Variants in CLSTN2 observed in about 807,000 individuals in gnomAD.
CLSTN2 encodes calsyntenin 2.
A neutral mutation model predicts 101.2 loss-of-function variants in CLSTN2; 48 were observed. The observed-to-expected ratio is 0.47, with a 90% CI of 0.38 to 0.60. CLSTN2 has a LOEUF of 0.60. Among genes scored for constraint, CLSTN2 ranks in the 20% least tolerant of loss-of-function variants. The pLI is 0.00. For synonymous variants in CLSTN2, 481 were observed against 463.6 expected (o/e 1.04, Z -0.48); for missense variants, 1,160 against 1,238.2 (o/e 0.94, Z 0.95).
intron 1 of CLSTN2, among the ~76,000 whole-genome samples, chr3:140,100,501 A>C (rs1320778198): frequency 1.3e-5 from 2 of 152,252 alleles, no homozygotes; most frequent in Non-Finnish European, 2.9e-5. Context: ...AAAAGATACA[A>C]GGGAAGGACT....
At chr3:140,117,655 A>G (rs1256927438) in intron 1 of CLSTN2, among the ~76,000 whole-genome samples, 2 of 152,328 alleles carry the variant, frequency 1.3e-5, no homozygotes, top group South Asian at 2.1e-4. Flanking sequence ...GGAAATTGCA[A>G]TAACCACATA....
At chr3:140,222,717 T>A (rs2107853849) in intron 2 of CLSTN2, among the ~76,000 whole-genome samples, 1 of 152,236 alleles carries the variant, frequency 6.6e-6, no homozygotes, top group Non-Finnish European at 1.5e-5. Flanking sequence ...CATCTTAAAG[T>A]AACTAAAATT....
intron 1 of CLSTN2, among the ~76,000 whole-genome samples, chr3:140,062,108 T>C (rs1450100633): frequency 6.6e-6 from 1 of 152,140 alleles, no homozygotes; most frequent in Non-Finnish European, 1.5e-5. Context: ...ATGAGTGAAA[T>C]GCATCAGGTA....
rs539403177 is a variant in CLSTN2 at position 140,433,011 on chromosome 3, G to A, written c.787+11737G>A. Reference sequence around the variant, plus strand: ...CTGAGGTTAATACACTTGCCACACAGCTAGTAATATTGAGGCCAGCTCCAT... The same window carrying A: ...CTGAGGTTAATACACTTGCCACACAACTAGTAATATTGAGGCCAGCTCCAT... On this transcript the variant is annotated intron_variant, in intron 5 of 16. Transcript: ENST00000458420. Among the ~76,000 whole-genome samples, 34 of 152,276 alleles carry A rather than the reference G, an allele frequency of 2.2e-4. 1 individual carries two copies. The highest frequency in any genetic ancestry group is 5.9e-4 in the Admixed American group (9 of 15,302).
intron 1 of CLSTN2, among the ~76,000 whole-genome samples, chr3:140,126,824 C>T (rs1216515997): frequency 2.0e-5 from 3 of 152,112 alleles, no homozygotes; most frequent in Non-Finnish European, 4.4e-5. Context: ...GCTGCAGACA[C>T]AGGGATGGTC....
intron 1 of CLSTN2, among the ~76,000 whole-genome samples, chr3:140,000,405 G>T (rs1400205289): frequency 1.3e-5 from 2 of 152,142 alleles, no homozygotes; most frequent in African/African-American, 4.8e-5. Context: ...CACATAGTTT[G>T]TGCCCATTAA....
intron 1 of CLSTN2, among the ~76,000 whole-genome samples, chr3:139,989,940 A>G (rs1261629826): frequency 6.6e-6 from 1 of 152,216 alleles, no homozygotes; most frequent in African/African-American, 2.4e-5. Flanking sequence ...AAACAATTTG[A>G]TCCTCCCATT....
chr3:140,147,046 G>A (rs1481553240), intron 1 of CLSTN2, among the ~76,000 whole-genome samples: 1 of 152,230 alleles, frequency 6.6e-6, no homozygotes, highest in African/African-American at 2.4e-5. Flanking sequence ...ATGAGTGAAT[G>A]AATAAATGGA....
chr3:140,171,004 A>T (rs1157919187), intron 1 of CLSTN2, among the ~76,000 whole-genome samples: 3 of 152,210 alleles, frequency 2.0e-5, no homozygotes, highest in Non-Finnish European at 4.4e-5. Flanking sequence ...ATGAATCTGA[A>T]GCACTGGGTG....
intron 2 of CLSTN2, among the ~76,000 whole-genome samples, chr3:140,284,251 A>T (rs1022605016): frequency 3.5e-4 from 53 of 151,662 alleles, no homozygotes; most frequent in African/African-American, 1.2e-3. Context: ...TATTTTTTTT[A>T]AAAAATACAA....
At chr3:140,410,411 CAA>C (rs11450317) in intron 4 of CLSTN2, among the ~76,000 whole-genome samples, 9 of 118,706 alleles carry the variant, frequency 7.6e-5, no homozygotes, top group African/African-American at 1.7e-4. Context: ...AAATAAAAAG[CAA>C]AAAAAAAAAA....
At chr3:140,322,465 G>A (rs1301861315) in intron 2 of CLSTN2, among the ~76,000 whole-genome samples, 1 of 152,222 alleles carries the variant, frequency 6.6e-6, no homozygotes, top group East Asian at 1.9e-4. Context: ...AGCAAGAGGT[G>A]CTGAGTAGGA....
intron 2 of CLSTN2, among the ~76,000 whole-genome samples, chr3:140,192,775 G>T (rs1451046847): frequency 6.6e-6 from 1 of 151,494 alleles, no homozygotes; most frequent in African/African-American, 2.4e-5. Flanking sequence ...TTTCATTGTT[G>T]TATTTAGATC....
chr3:139,999,552 G>A (rs948321848), intron 1 of CLSTN2, among the ~76,000 whole-genome samples: 1 of 151,988 alleles, frequency 6.6e-6, no homozygotes, highest in Non-Finnish European at 1.5e-5. Context: ...TTATCTGCTT[G>A]GTCAGAGAGG....
At chr3:140,043,169 A>C (rs528718159) in intron 1 of CLSTN2, among the ~76,000 whole-genome samples, 16 of 152,222 alleles carry the variant, frequency 1.1e-4, no homozygotes, top group African/African-American at 3.4e-4. Context: ...GTTTCTCCAC[A>C]TCCTCTCCAG....
chr3:139,990,316 G>A (rs1333037449), intron 1 of CLSTN2, among the ~76,000 whole-genome samples: 2 of 152,146 alleles, frequency 1.3e-5, no homozygotes, highest in East Asian at 3.8e-4. Flanking sequence ...GGATGGTGGC[G>A]TAGGTGGGAG....
At position 140,569,473 on chromosome 3, in the gene CLSTN2, A is replaced by C. The variant is rs1326128866; in HGVS notation, c.*3220A>C. The C allele has an allele frequency of 6.6e-6, 1 of 152,238 alleles. No homozygotes were observed. Among genetic ancestry groups the C allele is most frequent in the Non-Finnish European group, 1.5e-5 (1 of 68,050 alleles). The allele number at this position is 152,238 out of a possible 1,614,324, so 9.4% of individuals were successfully genotyped here. A position where few individuals can be genotyped will look rare whatever the true frequency, so the allele number is the denominator to read the frequency against. On this transcript the variant is annotated 3_prime_UTR_variant, in exon 17 of 17. Transcript: ENST00000458420. ...GACATGGAGGAGAAGTTGGAGGAGA[A>C]GATTGAAATGCTTAAATCCCAGTGC...
intron 2 of CLSTN2, among the ~76,000 whole-genome samples, chr3:140,265,435 G>A (rs938442041): frequency 6.6e-6 from 1 of 152,184 alleles, no homozygotes; most frequent in Admixed American, 6.5e-5. Flanking sequence ...GAGACTCTGA[G>A]ACTACCCAGA....
At chr3:140,330,494 C>T (rs1455376034) in intron 2 of CLSTN2, among the ~76,000 whole-genome samples, 1 of 152,150 alleles carries the variant, frequency 6.6e-6, no homozygotes, top group African/African-American at 2.4e-5. Flanking sequence ...CCAGTTTGCC[C>T]ATAGCAATAA....
Sources: gnomAD v4.1 joint callset for allele counts (sites outside exome capture counted in the v4.1 genomes callset) on GRCh38, gnomAD v4.1.1 for gene constraint, MANE v1.5 for transcripts, NCBI Gene and HGNC (gene_info 2026-07-23, HGNC 2026-07-21) for gene names.